TMEM131: variants seen among roughly 807,000 people sequenced by gnomAD.
TMEM131 encodes the protein transmembrane protein 131.
In TMEM131, 66 loss-of-function variants were observed where a neutral mutation model predicts 211.6. The ratio of observed to expected loss-of-function variants is 0.31; its 90% CI spans 0.26 to 0.38. The LOEUF is 0.38. TMEM131 is among the 10% of genes least tolerant of loss of function. The pLI is 1.00. For missense variants in TMEM131, 2,036 were observed against 2,299.3 expected (o/e 0.89, Z 2.34); for synonymous variants, 844 against 841.3 (o/e 1.00, Z -0.06).
chr2:97,818,710 A>G lies in TMEM131; in HGVS notation c.1086T>C (p.Pro362=), dbSNP rs1681966457. The part of the protein sequence containing the change: ...TKDVPITSVR[P]TPQNDAITVH... Reference sequence around the variant, plus strand: ...CCGTTATAGCATCATTTTGTGGTGTAGGTCGAACACTCTGCAAAGAGAACA... The same window carrying G: ...CCGTTATAGCATCATTTTGTGGTGTGGGTCGAACACTCTGCAAAGAGAACA... The change falls in exon 12 of 41, where the codon CCT becomes CCC. Residue 362 remains proline (P), a synonymous_variant. Transcript: ENST00000186436. 6.2e-7 allele frequency: 1 copy of G among 1,601,340 alleles called. No homozygotes were observed. Among genetic ancestry groups the G allele is most frequent in the Non-Finnish European group, 8.5e-7 (1 of 1,171,986 alleles).
chr2:97,918,353 A>G (rs547350176), intron 2 of TMEM131, among the ~76,000 whole-genome samples: 2 of 152,332 alleles, frequency 1.3e-5, no homozygotes, highest in South Asian at 4.1e-4. Context: ...TCTTATTATT[A>G]AGAAAATTCC....
rs1026018652 is a variant in TMEM131 at position 97,995,925 on chromosome 2, T to G, written c.-263A>C. On this transcript the variant is annotated 5_prime_UTR_variant, in exon 1 of 41. Transcript: ENST00000186436. Reference sequence around the variant, plus strand: ...GGTCAGGCGCGGCGGGCGGCCATACTGGAAACGGGCACGGCCCGCGAGCCC... The same window carrying G: ...GGTCAGGCGCGGCGGGCGGCCATACGGGAAACGGGCACGGCCCGCGAGCCC... The G allele has an allele frequency of 1.2e-4, 23 of 199,502 alleles. 1 individual carries two copies. The highest frequency in any genetic ancestry group is 8.9e-4 in the Admixed American group (15 of 16,760). 12.4% of individuals were successfully genotyped at this position (199,502 alleles called of 1,614,324 possible).
intron 39 of TMEM131, 147 bp from the exon 40 acceptor site, chr2:97,759,200 G>A: frequency 1.0e-6 from 1 of 971,688 alleles, no homozygotes; most frequent in Non-Finnish European, 1.6e-6. Context: ...CCCAGAGGAA[G>A]TAGGGGCAGG....
chr2:97,793,464 G>C lies in TMEM131; in HGVS notation c.3476C>G (p.Ser1159Trp). The part of the protein sequence containing the change: ...PFRRRLSFEA[S>W]NPPFDVGRPF... ...CCTTCCCACATCGAAGGGCGGGTTC[G>C]AGGCCTCAAAGGATAGCCGCCTTCG... The change falls in exon 30 of 41, where the codon TCG (serine) becomes TGG (tryptophan). Residue 1159 changes from serine (S) to tryptophan (W), a missense_variant. Physicochemically the swap from Ser to Trp is radical, Grantham distance 177. Around this residue, in one of 3 missense-constraint regions of TMEM131, gnomAD observed 1,623 missense variants for 1,805.9 expected, o/e 0.90. Coordinates refer to ENST00000186436, the MANE Select transcript of TMEM131 (RefSeq NM_015348.2). The C allele has an allele frequency of 2.5e-6, 4 of 1,613,898 alleles. No individual in the cohort carries two copies. The highest frequency in any genetic ancestry group is 3.4e-6 in the Non-Finnish European group (4 of 1,179,880).
chr2:97,760,421 T>C, intron 38 of TMEM131, 172 bp downstream of exon 38: 1 of 662,128 alleles, frequency 1.5e-6, no homozygotes, highest in African/African-American at 1.8e-5. Flanking sequence ...GCAGCCGGCT[T>C]TCTGCTTCCA....
chr2:97,844,949 C>G (rs1424927130), intron 5 of TMEM131, among the ~76,000 whole-genome samples: 1 of 152,056 alleles, frequency 6.6e-6, no homozygotes, highest in Non-Finnish European at 1.5e-5. Flanking sequence ...GGCTAGAACT[C>G]TAAAATGCTA....
At chr2:97,894,697 C>T (rs1001696532) in intron 3 of TMEM131, among the ~76,000 whole-genome samples, 2 of 151,778 alleles carry the variant, frequency 1.3e-5, no homozygotes, top group East Asian at 1.9e-4. Flanking sequence ...CGTATAGGAA[C>T]GCTTGTGATT....
rs1330848213 is a variant in TMEM131, at chr2:97,814,168, A to C, written c.1447-27T>G. On this transcript the variant is annotated intron_variant, in intron 14 of 40. Coordinates refer to ENST00000186436, the MANE Select transcript of TMEM131 (RefSeq NM_015348.2). ...TGAGAAATGACAGAAGAGAAAAAAAACAAAGTGTCAGCATCACCTAGTTGG... is the reference window on the plus strand; with the variant it reads ...TGAGAAATGACAGAAGAGAAAAAAACCAAAGTGTCAGCATCACCTAGTTGG... 68 of 1,612,342 alleles carry C rather than the reference A, an allele frequency of 4.2e-5. 2 individuals are homozygous for C. Among genetic ancestry groups the C allele is most frequent in the Non-Finnish European group, 4.5e-5 (53 of 1,179,070 alleles).
rs1360165378 is a variant in TMEM131 at position 97,907,992 on chromosome 2, G to A, written c.290+666C>T. Reference sequence around the variant, plus strand: ...AGTGAACACAAAATAGCTGCTGGAGGGACTGTTTTATCCAACTCAAAGAAA... The same window carrying A: ...AGTGAACACAAAATAGCTGCTGGAGAGACTGTTTTATCCAACTCAAAGAAA... On this transcript the variant is annotated intron_variant, in intron 3 of 40. Coordinates refer to ENST00000186436, the MANE Select transcript of TMEM131 (RefSeq NM_015348.2). 2.0e-5 allele frequency among the ~76,000 whole-genome samples: 3 copies of A among 152,084 alleles called. No individual in the cohort carries two copies. In the East Asian group the frequency reaches 5.8e-4, roughly 29 times the overall value.
intron 1 of TMEM131, among the ~76,000 whole-genome samples, chr2:97,938,148 A>T (rs1355443566): frequency 6.6e-6 from 1 of 152,218 alleles, no homozygotes; most frequent in Non-Finnish European, 1.5e-5. Flanking sequence ...AGCTAACATC[A>T]TAATGACAGG....
chr2:97,891,516 A>G (rs1260998450), intron 3 of TMEM131, among the ~76,000 whole-genome samples: 2 of 152,122 alleles, frequency 1.3e-5, no homozygotes, highest in African/African-American at 4.8e-5. Flanking sequence ...TTTCACTAAA[A>G]TCTTATTTAT....
intron 4 of TMEM131, among the ~76,000 whole-genome samples, chr2:97,876,716 C>T (rs71429373): frequency 6.6e-6 from 1 of 151,960 alleles, no homozygotes; most frequent in African/African-American, 2.4e-5. Context: ...ATAATAAAAG[C>T]TATTTATGAC....
At chr2:97,950,459 G>C (rs1304541149) in intron 1 of TMEM131, among the ~76,000 whole-genome samples, 5 of 151,970 alleles carry the variant, frequency 3.3e-5, no homozygotes, top group African/African-American at 1.2e-4. Context: ...GGCTTCTGTA[G>C]CCCTAGTCCT....
At chr2:97,961,495 T>C (rs529716421) in intron 1 of TMEM131, among the ~76,000 whole-genome samples, 19 of 152,328 alleles carry the variant, frequency 1.2e-4, no homozygotes, top group African/African-American at 4.6e-4. Flanking sequence ...ACCAGTTTGA[T>C]TAGAGTTAAT....
intron 21 of TMEM131, 83 bp downstream of exon 21, chr2:97,805,293 T>C (rs933371310): frequency 6.4e-6 from 10 of 1,563,406 alleles, no homozygotes; most frequent in South Asian, 3.4e-5. Context: ...AAGACAGCAA[T>C]GTACTTTAAA....
At chr2:97,937,378 CA>C (rs1453329303) in intron 1 of TMEM131, among the ~76,000 whole-genome samples, 15 of 151,566 alleles carry the variant, frequency 9.9e-5, no homozygotes, top group Non-Finnish European at 2.2e-4. Flanking sequence ...GTCTGGGAAA[CA>C]GAAATAAAAA....
At chr2:97,925,772 T>G (rs1415275811) in intron 2 of TMEM131, among the ~76,000 whole-genome samples, 2 of 152,188 alleles carry the variant, frequency 1.3e-5, no homozygotes, top group Non-Finnish European at 1.5e-5. Flanking sequence ...TAAAATTTAT[T>G]TTTTTACTGA....
chr2:97,868,363 CAT>C (rs1224576949), intron 4 of TMEM131, among the ~76,000 whole-genome samples: 18 of 152,182 alleles, frequency 1.2e-4, no homozygotes, highest in Admixed American at 3.3e-4. Context: ...CACACACACA[CAT>C]ATATGTAGGT....
At chr2:97,870,124 G>A (rs1674431955) in intron 4 of TMEM131, among the ~76,000 whole-genome samples, 2 of 152,056 alleles carry the variant, frequency 1.3e-5, no homozygotes, top group African/African-American at 4.8e-5. Context: ...GATTTTAAAG[G>A]TTCGTGGATT....
Sources: allele counts gnomAD v4.1 joint callset (sites outside exome capture counted in the v4.1 genomes callset), GRCh38; gene constraint gnomAD v4.1.1; regional missense constraint gnomAD v4.1.1; transcripts MANE v1.5; gene names NCBI Gene and HGNC (gene_info 2026-07-23, HGNC 2026-07-21).